CAMK1D: variants seen among roughly 807,000 people sequenced by gnomAD.
CAMK1D encodes calcium/calmodulin-dependent protein kinase type 1D.
A neutral mutation model predicts 47.7 loss-of-function variants in CAMK1D; 9 were observed. The observed-to-expected ratio is 0.19, with a 90% CI of 0.11 to 0.33. The LOEUF is 0.33. Ranked by LOEUF, CAMK1D falls within the 10% of genes least tolerant of loss-of-function variation. The pLI is 1.00. For synonymous variants in CAMK1D, 184 were observed against 184.9 expected (o/e 0.99, Z 0.04); for missense variants, 291 against 488.7 (o/e 0.60, Z 3.81).
chr10:12,545,200 C>A (rs1050836731), intron 1 of CAMK1D, among the ~76,000 whole-genome samples: 15 of 5,720 alleles, frequency 2.6e-3, no homozygotes, highest in African/African-American at 4.1e-3. Flanking sequence ...CATCATTCTG[C>A]GTAGGTGAGA....
chr10:12,789,665 T>A (rs1837891739), intron 5 of CAMK1D, among the ~76,000 whole-genome samples: 1 of 152,218 alleles, frequency 6.6e-6, no homozygotes, highest in Admixed American at 6.5e-5. Flanking sequence ...TTGGCCAACT[T>A]ACCTGACCTC....
At chr10:12,640,643 T>C (rs1287846809) in intron 2 of CAMK1D, among the ~76,000 whole-genome samples, 1 of 152,196 alleles carries the variant, frequency 6.6e-6, no homozygotes, top group Non-Finnish European at 1.5e-5. Flanking sequence ...ATAAGTAGAC[T>C]ATTTGCATCT....
intron 1 of CAMK1D, among the ~76,000 whole-genome samples, chr10:12,381,535 T>C (rs1838346247): frequency 6.6e-6 from 1 of 152,084 alleles, no homozygotes; most frequent in Admixed American, 6.5e-5. Context: ...GGGTTTCACC[T>C]TGTTGGCCAG....
chr10:12,380,334 A>G (rs1838303930), intron 1 of CAMK1D, among the ~76,000 whole-genome samples: 1 of 152,238 alleles, frequency 6.6e-6, no homozygotes, highest in African/African-American at 2.4e-5. Flanking sequence ...AAAAGGATCA[A>G]TGATTATAAA....
At chr10:12,751,075 A>C (rs1464445879) in intron 3 of CAMK1D, among the ~76,000 whole-genome samples, 1 of 40,078 alleles carries the variant, frequency 2.5e-5, no homozygotes, top group African/African-American at 1.6e-4. Flanking sequence ...AGATAAGATA[A>C]GATAAGATAA....
chr10:12,723,185 A>G (rs1026427380), intron 3 of CAMK1D, among the ~76,000 whole-genome samples: 1 of 152,194 alleles, frequency 6.6e-6, no homozygotes, highest in Non-Finnish European at 1.5e-5. Flanking sequence ...TTAATTGAGA[A>G]TTTATCATTA....
chr10:12,471,271 C>A (rs1833738625), intron 1 of CAMK1D, among the ~76,000 whole-genome samples: 1 of 152,176 alleles, frequency 6.6e-6, no homozygotes, highest in South Asian at 2.1e-4. Flanking sequence ...TGGTCTGGAT[C>A]AATGTGTCTG....
chr10:12,695,072 G>GTAGATACA (rs775601473), intron 3 of CAMK1D, among the ~76,000 whole-genome samples: 1 of 92,096 alleles, frequency 1.1e-5, no homozygotes, highest in African/African-American at 3.6e-5. Context: ...AGATACATAG[G>GTAGATACA]TAGATACATA....
At chr10:12,366,065 C>A (rs982736947) in intron 1 of CAMK1D, among the ~76,000 whole-genome samples, 1 of 152,128 alleles carries the variant, frequency 6.6e-6, no homozygotes, top group Non-Finnish European at 1.5e-5. Context: ...CAAAAAAACA[C>A]GTTTCCTTCT....
At position 12,827,778 on chromosome 10, in the gene CAMK1D, T is replaced by C. The variant is rs562758123; in HGVS notation, c.1040-991T>C. Among the ~76,000 whole-genome samples, 135 of 151,818 alleles carry C rather than the reference T, an allele frequency of 8.9e-4. 1 individual carries two copies. Among genetic ancestry groups the C allele is most frequent in the African/African-American group, 3.2e-3 (131 of 41,394 alleles). ...GTCACGGCTCACTGCAACCTCAACC[T>C]CCTAGGCTCAAGTAATCCTCCTGTC... is the stretch of plus-strand genomic sequence containing the variant. On this transcript the variant is annotated intron_variant, in intron 10 of 10. Coordinates refer to ENST00000619168, the MANE Select transcript of CAMK1D (RefSeq NM_153498.4).
intron 2 of CAMK1D, among the ~76,000 whole-genome samples, chr10:12,578,156 C>A (rs1293515828): frequency 6.6e-6 from 1 of 152,100 alleles, no homozygotes. Context: ...CTCACTGCAG[C>A]CTCGACCTCC....
chr10:12,570,026 C>G (rs1002053285), intron 2 of CAMK1D, among the ~76,000 whole-genome samples: 2 of 151,816 alleles, frequency 1.3e-5, no homozygotes, highest in Non-Finnish European at 2.9e-5. Context: ...ATGGTGAAAC[C>G]GCATCTCAAC....
rs967527616 is a variant in CAMK1D at position 12,834,633 on chromosome 10, T to A, written c.*5746T>A. On this transcript the variant is annotated 3_prime_UTR_variant, in exon 11 of 11. Coordinates refer to ENST00000619168, the MANE Select transcript of CAMK1D (RefSeq NM_153498.4). ...GTCTCCGGGGAACTTCTCATTCGAT[T>A]ATTATGTCTTCTGATGATTTGCCAT... 1.3e-5 allele frequency: 2 copies of A among 152,184 alleles called. No individual in the cohort carries two copies. The highest frequency in any genetic ancestry group is 2.9e-5 in the Non-Finnish European group (2 of 68,042). The allele number at this position is 152,184 out of a possible 1,614,324, so 9.4% of individuals were successfully genotyped here.
intron 5 of CAMK1D, among the ~76,000 whole-genome samples, chr10:12,776,865 G>A (rs1372773813): frequency 2.0e-5 from 3 of 152,120 alleles, no homozygotes; most frequent in Admixed American, 6.5e-5. Context: ...AAAGACCCTC[G>A]TTTACAGTCT....
At chr10:12,610,538 G>A (rs1413369996) in intron 2 of CAMK1D, among the ~76,000 whole-genome samples, 1 of 152,198 alleles carries the variant, frequency 6.6e-6, no homozygotes, top group African/African-American at 2.4e-5. Flanking sequence ...ATAATGGGAT[G>A]TCAAGAACAG....
chr10:12,508,769 G>A (rs996065318), intron 1 of CAMK1D, among the ~76,000 whole-genome samples: 1 of 152,172 alleles, frequency 6.6e-6, no homozygotes, highest in African/African-American at 2.4e-5. Flanking sequence ...CCCTGATAAA[G>A]CCGAGGGAGA....
chr10:12,617,074 T>A (rs1051723425), intron 2 of CAMK1D, among the ~76,000 whole-genome samples: 3 of 152,128 alleles, frequency 2.0e-5, no homozygotes, highest in Non-Finnish European at 4.4e-5. Flanking sequence ...ACCATGAACT[T>A]CTCGTAAGCA....
At chr10:12,718,557 C>G (rs1007411989) in intron 3 of CAMK1D, among the ~76,000 whole-genome samples, 2 of 152,088 alleles carry the variant, frequency 1.3e-5, no homozygotes, top group Non-Finnish European at 2.9e-5. Flanking sequence ...GGACTTTTCC[C>G]GAGTAAATTT....
chr10:12,832,938 T>G lies in CAMK1D; in HGVS notation c.*4051T>G. 1 of 152,412 alleles carries G rather than the reference T, an allele frequency of 6.6e-6. No individual in the cohort carries two copies. Among genetic ancestry groups the G allele is most frequent in the Non-Finnish European group, 1.5e-5 (1 of 68,134 alleles). 9.4% of individuals were successfully genotyped at this position (152,412 alleles called of 1,614,324 possible). A position where few individuals can be genotyped will look rare whatever the true frequency, so the allele number is the denominator to read the frequency against. ...CTGGCCAACATGGTGAAACCCTGTT[T>G]CTACTAAAAATACAAAAATTAGCTG... On this transcript the variant is annotated 3_prime_UTR_variant, in exon 11 of 11. Coordinates refer to ENST00000619168, the MANE Select transcript of CAMK1D (RefSeq NM_153498.4).
Sources: gnomAD v4.1 joint callset for allele counts (sites outside exome capture counted in the v4.1 genomes callset) on GRCh38, gnomAD v4.1.1 for gene constraint, MANE v1.5 for transcripts, NCBI Gene and HGNC (gene_info 2026-07-23, HGNC 2026-07-21) for gene names.